ABHD12: variants seen among roughly 807,000 people sequenced by gnomAD.
ABHD12 encodes the protein lysophosphatidylserine lipase ABHD12.
ABHD12 carries 43 observed loss-of-function variants against 58.3 expected under a neutral mutation model. The observed-to-expected ratio is 0.74, with a 90% CI of 0.58 to 0.95. The LOEUF is 0.95. ABHD12 is among the 40% of genes least tolerant of loss of function. The probability of loss-of-function intolerance (pLI) is 0.00; values close to 1 mark genes in which losing one functional copy is unlikely to be tolerated. For synonymous variants in ABHD12, 219 were observed against 211.2 expected (o/e 1.04, Z -0.32); for missense variants, 539 against 537.2 (o/e 1.00, Z -0.03).
intron 1 of ABHD12, among the ~76,000 whole-genome samples, chr20:25,366,585 T>C (rs6037097): frequency 0.54 from 82,260 of 152,054 alleles, 22,843 homozygotes; most frequent in Admixed American, 0.61. Flanking sequence ...GCCATCTTAA[T>C]AGAATTTGGA....
intron 10 of ABHD12, among the ~76,000 whole-genome samples, chr20:25,306,349 C>T (rs960463401): frequency 2.6e-5 from 4 of 152,238 alleles, no homozygotes; most frequent in African/African-American, 2.4e-5. Context: ...CTTTCTGTTA[C>T]AGTTCTTTAC....
downstream of ABHD12, chr20:25,295,454 C>T (rs1771059471): frequency 1.2e-6 from 1 of 822,310 alleles, no homozygotes; most frequent in Non-Finnish European, 2.0e-6. Context: ...CTGGTGCAGC[C>T]TGGCTCTGAC....
chr20:25,338,913 C>T, intron 2 of ABHD12: 1 of 1,181,874 alleles, frequency 8.5e-7, no homozygotes. Context: ...CGCTGGTCCC[C>T]CAGGGCAGTG....
At chr20:25,295,681 T>C (rs751629108), downstream of ABHD12, 5 of 1,610,914 alleles carry the variant, frequency 3.1e-6, no homozygotes, top group Admixed American at 8.3e-5. Flanking sequence ...GTGAGGCTCC[T>C]GGGTCCAGAG....
At position 25,339,314 on chromosome 20, in the gene ABHD12, A is replaced by G. The variant is rs764376500; in HGVS notation, c.229T>C (p.Phe77Leu). ...GCAATGTACAACCCCAAAACACAGAAAAGTATCTTCCTCAGGCGCAACCAC... is the reference window on the plus strand; with the variant it reads ...GCAATGTACAACCCCAAAACACAGAGAAGTATCTTCCTCAGGCGCAACCAC... ...GVWLRLRKIL[F>L]CVLGLYIAIP... is the part of the protein sequence containing the mutation. Residue 77 changes from phenylalanine (F) to leucine (L), a missense_variant, in exon 2 of 13, where the codon TTC (phenylalanine) becomes CTC (leucine). Phe to Leu is a conservative substitution (Grantham distance 22, BLOSUM62 0). Transcript: ENST00000339157. 3.7e-6 allele frequency: 6 copies of G among 1,614,196 alleles called. No individual in the cohort carries two copies. Among genetic ancestry groups the G allele is most frequent in the Admixed American group, 1.7e-5 (1 of 60,024 alleles).
In ABHD12 at chr20:25,368,407, C is replaced by T. The variant is rs533913937; in HGVS notation, c.191+22106G>A. The T allele has an allele frequency of 6.3e-6, 10 of 1,596,702 alleles. No individual in the cohort carries two copies. In the Admixed American group the frequency reaches 8.3e-5, roughly 13 times the overall value. On this transcript the variant is annotated intron_variant, in intron 1 of 12. Coordinates refer to ENST00000339157, the MANE Select transcript of ABHD12 (RefSeq NM_001042472.3). ...CACAGACCACATGCTTGCCATCCAA[C>T]CACTCAGTCTTGGCAGTGCAGATGA...
intron 2 of ABHD12, among the ~76,000 whole-genome samples, chr20:25,333,927 T>G (rs888061396): frequency 6.6e-6 from 1 of 152,122 alleles, no homozygotes; most frequent in African/African-American, 2.4e-5. Context: ...TCACCACTCA[T>G]ATTCAACACA....
intron 1 of ABHD12, among the ~76,000 whole-genome samples, chr20:25,356,905 G>C (rs2089676195): frequency 6.6e-6 from 1 of 151,874 alleles, no homozygotes; most frequent in African/African-American, 2.4e-5. Flanking sequence ...GGAGGCCAAA[G>C]TAGGAGAACT....
chr20:25,302,151 C>A, intron 12 of ABHD12, 68 bp downstream of exon 12: 1 of 1,608,786 alleles, frequency 6.2e-7, no homozygotes. Context: ...CAGCTGCCAC[C>A]TGCTGCACGT....
intron 1 of ABHD12, among the ~76,000 whole-genome samples, chr20:25,354,324 G>A (rs2089640523): frequency 6.6e-6 from 1 of 152,218 alleles, no homozygotes; most frequent in Non-Finnish European, 1.5e-5. Context: ...CTGTCCTGGA[G>A]GCAGGAAACA....
chr20:25,390,756 T>A lies in ABHD12; in HGVS notation c.-53A>T. 2.0e-6 allele frequency: 1 copy of A among 488,452 alleles called. No homozygotes were observed. The highest frequency in any genetic ancestry group is 2.9e-6 in the Non-Finnish European group (1 of 347,268). 30.3% of individuals were successfully genotyped at this position (488,452 alleles called of 1,614,324 possible). On this transcript the variant is annotated 5_prime_UTR_variant, in exon 1 of 13. Transcript: ENST00000339157. ...CGGCGCCCGCTGGCCTGCGCCGCAG[T>A]GCCGCCGCTCACAGCCGCCGCCACC...
In ABHD12 at chr20:25,347,855, T is replaced by C. The variant is rs2089540661; in HGVS notation, c.192-8504A>G. Among the ~76,000 whole-genome samples, 5 of 150,264 alleles carry C rather than the reference T, an allele frequency of 3.3e-5. No homozygotes were observed. The South Asian group carries it at 1.1e-3, about 32-fold the overall frequency. On this transcript the variant is annotated intron_variant, in intron 1 of 12. Transcript: ENST00000339157. ...GAAAGGCATATCAGAAAAATAAAAA[T>C]GTTTTCATGTTTTTAAAAAAAGTTC...
downstream of ABHD12, among the ~76,000 whole-genome samples, chr20:25,295,976 A>T (rs1041593193): frequency 5.9e-5 from 9 of 152,176 alleles, no homozygotes; most frequent in African/African-American, 1.9e-4. Context: ...CCTCGAGGAA[A>T]GGCTGGCCTG....
intron 2 of ABHD12, among the ~76,000 whole-genome samples, chr20:25,337,934 A>G (rs2089399493): frequency 6.6e-6 from 1 of 152,212 alleles, no homozygotes; most frequent in South Asian, 2.1e-4. Context: ...AGAAAAATCA[A>G]ATGCCTCTTA....
chr20:25,339,893 G>A (rs961304952), intron 1 of ABHD12: 4 of 672,032 alleles, frequency 6.0e-6, no homozygotes, highest in Non-Finnish European at 4.1e-6. Context: ...ACGCGTGGGC[G>A]AGCCCCTCTG....
chr20:25,322,381 ATT>A (rs199757666), intron 3 of ABHD12, among the ~76,000 whole-genome samples: 14,712 of 59,230 alleles, frequency 0.25, 2,973 homozygotes, highest in East Asian at 0.54. Context: ...ATATATATAT[ATT>A]TTTTTTTTTT....
intron 1 of ABHD12, among the ~76,000 whole-genome samples, chr20:25,366,202 AT>A (rs2089818878): frequency 6.6e-6 from 1 of 152,002 alleles, no homozygotes; most frequent in South Asian, 2.1e-4. Context: ...AGTTGCAAAT[AT>A]TTGTATTTTG....
At chr20:25,339,817 G>A (rs941979079) in intron 1 of ABHD12, 1 of 1,189,318 alleles carries the variant, frequency 8.4e-7, no homozygotes, top group Non-Finnish European at 1.1e-6. Context: ...GACATCAACA[G>A]AACCTGCCTG....
At chr20:25,362,103 C>T (rs1041742188) in intron 1 of ABHD12, among the ~76,000 whole-genome samples, 2 of 151,428 alleles carry the variant, frequency 1.3e-5, no homozygotes, top group African/African-American at 2.4e-5. Context: ...GGTGAAAACC[C>T]GTCTCTACTA....
Sources: allele counts gnomAD v4.1 joint callset (sites outside exome capture counted in the v4.1 genomes callset), GRCh38; gene constraint gnomAD v4.1.1; transcripts MANE v1.5; gene names NCBI Gene and HGNC (gene_info 2026-07-23, HGNC 2026-07-21).